The following CPPED1 variants were observed in gnomAD, a reference collection of about 807,000 sequenced individuals.
The protein encoded by CPPED1 is calcineurin like phosphoesterase domain containing 1, also known as serine/threonine-protein phosphatase CPPED1.
A neutral mutation model predicts 28.0 loss-of-function variants in CPPED1; 28 were observed. That is an observed-to-expected ratio of 1.00 (90% CI 0.74 to 1.37). CPPED1 has a LOEUF of 1.37. CPPED1 is among the 40% of genes most tolerant of loss of function. CPPED1 has a pLI of 0.00. For missense variants in CPPED1, 504 were observed against 416.5 expected (o/e 1.21, Z -1.83); for synonymous variants, 198 against 180.2 (o/e 1.10, Z -0.79).
Position 12,789,824 on chromosome 16 carries a change from G to T in CPPED1, c.71-8421C>A, listed in dbSNP as rs149933345. On this transcript the variant is annotated intron_variant, in intron 1 of 3. Coordinates refer to ENST00000381774, the MANE Select transcript of CPPED1 (RefSeq NM_018340.3). ...TTACAGCCATGAGCCACTGCATCCA[G>T]CCTGGTTGCCATAATTTTCTAAATC... Among the ~76,000 whole-genome samples the T allele has an allele frequency of 3.8e-3, 578 of 152,228 alleles. 3 individuals are homozygous for T. The highest frequency in any genetic ancestry group is 0.012 in the African/African-American group (515 of 41,536).
chr16:12,683,259 G>C (rs1420474911), intron 3 of CPPED1, among the ~76,000 whole-genome samples: 1 of 152,114 alleles, frequency 6.6e-6, no homozygotes, highest in African/African-American at 2.4e-5. Context: ...AACTAAATTT[G>C]TGCACTTTTC....
chr16:12,795,246 G>A (rs1330932537), intron 1 of CPPED1, among the ~76,000 whole-genome samples: 1 of 152,222 alleles, frequency 6.6e-6, no homozygotes, highest in Non-Finnish European at 1.5e-5. Context: ...CCCCCGGGCA[G>A]ATGTGCTCCA....
Position 12,682,646 on chromosome 16 carries a change from G to C in CPPED1, c.716-17531C>G, listed in dbSNP as rs1484408711. 6.6e-6 allele frequency among the ~76,000 whole-genome samples: 1 copy of C among 152,224 alleles called. No individual in the cohort carries two copies. Among genetic ancestry groups the C allele is most frequent in the African/African-American group, 2.4e-5 (1 of 41,458 alleles). ...CCAGGGCCACTGGGAAGATAAGTGA[G>C]AATCAGGGACACGCCCTGGGTGGCA... is the stretch of plus-strand genomic sequence containing the variant. On this transcript the variant is annotated intron_variant, in intron 3 of 3. Transcript: ENST00000381774. This position sits in a 1 kb window ranked among gnomAD's most constrained non-coding sequence, Gnocchi z 6.1.
At chr16:12,672,258 C>T (rs1567271895) in intron 3 of CPPED1, among the ~76,000 whole-genome samples, 1 of 152,312 alleles carries the variant, frequency 6.6e-6, no homozygotes, top group East Asian at 1.9e-4. Context: ...ACTGTACATT[C>T]CCTTGGCCCA....
intron 2 of CPPED1, among the ~76,000 whole-genome samples, chr16:12,734,941 C>T (rs933693497): frequency 6.6e-6 from 1 of 152,262 alleles, no homozygotes; most frequent in Middle Eastern, 3.4e-3. Context: ...CTCCCATGCC[C>T]ATCACCAGAC....
intron 2 of CPPED1, among the ~76,000 whole-genome samples, chr16:12,727,170 T>C (rs921735753): frequency 1.4e-4 from 21 of 152,156 alleles, no homozygotes; most frequent in Non-Finnish European, 2.1e-4. Context: ...GTGTCCAGTA[T>C]AGAGGGGTTT....
intron 2 of CPPED1, among the ~76,000 whole-genome samples, chr16:12,767,362 C>T (rs796700475): frequency 1.3e-5 from 2 of 152,150 alleles, no homozygotes; most frequent in Admixed American, 6.6e-5. Flanking sequence ...ATGATGCCTG[C>T]CCAAAATAGT....
rs201083958 is a variant in CPPED1 at position 12,704,612 on chromosome 16, C to T, written c.715+12G>A. 8.8e-5 allele frequency: 140 copies of T among 1,597,030 alleles called. 1 individual carries two copies. In the African/African-American group the frequency reaches 1.3e-3, roughly 15 times the overall value. Reference sequence around the variant, plus strand: ...TCCTTCCTCCCTGAAACCCGTGGCCCGGGGCCTCTACCTGCGTGGATGAAC... The same window carrying T: ...TCCTTCCTCCCTGAAACCCGTGGCCTGGGGCCTCTACCTGCGTGGATGAAC... On this transcript the variant is annotated intron_variant, in intron 3 of 3. Coordinates refer to ENST00000381774, the MANE Select transcript of CPPED1 (RefSeq NM_018340.3).
chr16:12,784,846 CA>C (rs1382264274), intron 1 of CPPED1, among the ~76,000 whole-genome samples: 1 of 152,106 alleles, frequency 6.6e-6, no homozygotes, highest in African/African-American at 2.4e-5. Flanking sequence ...GTCAGAATTT[CA>C]AAAAGTCAAT....
chr16:12,750,372 T>G (rs2080319605), intron 2 of CPPED1, among the ~76,000 whole-genome samples: 2 of 152,220 alleles, frequency 1.3e-5, no homozygotes, highest in South Asian at 4.1e-4. Flanking sequence ...TCCTTTCATT[T>G]GAACGCTTAG....
chr16:12,689,729 T>A (rs2079952452), intron 3 of CPPED1, among the ~76,000 whole-genome samples: 1 of 152,044 alleles, frequency 6.6e-6, no homozygotes, highest in African/African-American at 2.4e-5. Flanking sequence ...AGAGAAAACA[T>A]ACATGCCCAC....
At chr16:12,736,061 C>T (rs1420050220) in intron 2 of CPPED1, among the ~76,000 whole-genome samples, 1 of 152,112 alleles carries the variant, frequency 6.6e-6, no homozygotes, top group African/African-American at 2.4e-5. Context: ...GAGCTTGGTG[C>T]CTGGCACTTC....
chr16:12,740,942 C>T (rs78091829), intron 2 of CPPED1, among the ~76,000 whole-genome samples: 2,360 of 152,234 alleles, frequency 0.016, 62 homozygotes, highest in African/African-American at 0.053. Context: ...CTAAGTGATC[C>T]ACCAGCTTTC....
chr16:12,785,951 C>A (rs188695014), intron 1 of CPPED1, among the ~76,000 whole-genome samples: 18,014 of 149,206 alleles, frequency 0.12, 1,211 homozygotes, highest in African/African-American at 0.17. Flanking sequence ...AAAAAAAAAA[C>A]CAAAAGACAC....
intron 3 of CPPED1, among the ~76,000 whole-genome samples, chr16:12,697,438 G>C (rs1053386838): frequency 4.6e-5 from 7 of 152,124 alleles, no homozygotes; most frequent in African/African-American, 1.7e-4. Flanking sequence ...GCCCTCCACT[G>C]AAGACCTTCA....
At chr16:12,781,927 G>A (rs2080534130) in intron 1 of CPPED1, among the ~76,000 whole-genome samples, 1 of 151,972 alleles carries the variant, frequency 6.6e-6, no homozygotes, top group Admixed American at 6.6e-5. Context: ...GGTGGGAGGT[G>A]TGGTGCCAGA....
At position 12,701,243 on chromosome 16, in the gene CPPED1, G is replaced by T. The variant is rs866088734; in HGVS notation, c.715+3381C>A. 9.9e-5 allele frequency among the ~76,000 whole-genome samples: 15 copies of T among 151,680 alleles called. No homozygotes were observed. The Middle Eastern group carries it at 0.01, about 104-fold the overall frequency. On this transcript the variant is annotated intron_variant, in intron 3 of 3. Coordinates refer to ENST00000381774, the MANE Select transcript of CPPED1 (RefSeq NM_018340.3). Reference sequence around the variant, plus strand: ...GACTCCATCTCAAGAAAAAAAAAATGTTGAGGCCGGGTGTGGTGGCTCACA... The same window carrying T: ...GACTCCATCTCAAGAAAAAAAAAATTTTGAGGCCGGGTGTGGTGGCTCACA...
At chr16:12,788,251 G>A (rs1355870148) in intron 1 of CPPED1, among the ~76,000 whole-genome samples, 1 of 152,254 alleles carries the variant, frequency 6.6e-6, no homozygotes, top group East Asian at 1.9e-4. Context: ...CCACCTTAAG[G>A]GCAGGGGATC....
intron 1 of CPPED1, among the ~76,000 whole-genome samples, chr16:12,783,468 C>G (rs1011146845): frequency 1.3e-5 from 2 of 152,148 alleles, no homozygotes; most frequent in East Asian, 3.9e-4. Flanking sequence ...CACTGCACTC[C>G]AGCCTGGGTG....
Sources: allele counts gnomAD v4.1 joint callset (sites outside exome capture counted in the v4.1 genomes callset), GRCh38; gene constraint gnomAD v4.1.1; non-coding constraint Gnocchi (gnomAD v3.1); transcripts MANE v1.5; gene names NCBI Gene and HGNC (gene_info 2026-07-23, HGNC 2026-07-21).